NRXN1: variants seen among roughly 807,000 people sequenced by gnomAD.
The protein encoded by NRXN1 is neurexin 1, also known as neurexin-1.
In NRXN1, 39 loss-of-function variants were observed where a neutral mutation model predicts 150.9. That is an observed-to-expected ratio of 0.26 (90% confidence interval 0.20 to 0.34). NRXN1 has a LOEUF of 0.34. Among genes scored for constraint, NRXN1 ranks in the 10% least tolerant of loss-of-function variants. The pLI is 1.00. For missense variants in NRXN1, 1,815 were observed against 1,949.9 expected, an observed-to-expected ratio of 0.93 and a Z score of 1.30; for synonymous variants, 924 against 757.0, an observed-to-expected ratio of 1.22 and a Z score of -3.62.
At chr2:49,926,291 A>G (rs1162011615) in intron 22 of NRXN1, 11 of 398,274 alleles carry the variant, frequency 2.8e-5, no homozygotes, top group African/African-American at 4.1e-5. Flanking sequence ...ATGTTACCTT[A>G]AAGGACCACT....
intron 2 of NRXN1, among the ~76,000 whole-genome samples, chr2:50,942,702 C>T (rs1282244281): frequency 6.6e-6 from 1 of 152,212 alleles, no homozygotes; most frequent in Non-Finnish European, 1.5e-5. Flanking sequence ...AATGCCTAAA[C>T]TTCCATTGTA....
At chr2:50,173,439 G>T (rs998393737) in intron 18 of NRXN1, among the ~76,000 whole-genome samples, 1 of 152,108 alleles carries the variant, frequency 6.6e-6, no homozygotes, top group South Asian at 2.1e-4. Flanking sequence ...TGACATACAA[G>T]ACTCCTAACT....
chr2:50,695,945 C>A (rs186532174), intron 5 of NRXN1, among the ~76,000 whole-genome samples: 3 of 149,776 alleles, frequency 2.0e-5, no homozygotes, highest in African/African-American at 2.5e-5. Flanking sequence ...CAGCTTCAAG[C>A]GATTCTTCTG....
At chr2:50,649,315 A>G (rs527802081) in intron 5 of NRXN1, among the ~76,000 whole-genome samples, 9 of 151,448 alleles carry the variant, frequency 5.9e-5, no homozygotes, top group Non-Finnish European at 1.2e-4. Flanking sequence ...ACAAGTATTT[A>G]CTGAATACGC....
chr2:50,136,928 A>G (rs1453836965), intron 18 of NRXN1, among the ~76,000 whole-genome samples: 2 of 152,216 alleles, frequency 1.3e-5, no homozygotes, highest in Admixed American at 6.5e-5. Flanking sequence ...AAAACTAATG[A>G]ATCAGTCCCT....
At chr2:50,089,381 C>G (rs1244210803) in intron 19 of NRXN1, among the ~76,000 whole-genome samples, 1 of 152,164 alleles carries the variant, frequency 6.6e-6, no homozygotes, top group African/African-American at 2.4e-5. Flanking sequence ...TTCATGGCAT[C>G]CAGTGTGATG....
At chr2:50,553,111 A>G in intron 8 of NRXN1, 86 bp from the exon 9 acceptor site, 1 of 976,528 alleles carries the variant, frequency 1.0e-6, no homozygotes, top group South Asian at 1.6e-5. Flanking sequence ...TTTCAACGAC[A>G]TCATAAAAAG....
intron 17 of NRXN1, among the ~76,000 whole-genome samples, chr2:50,393,634 T>G (rs1005926994): frequency 6.6e-6 from 1 of 152,114 alleles, no homozygotes; most frequent in Admixed American, 6.6e-5. Context: ...AACAACTTCA[T>G]TTTTACTAGT....
At chr2:50,603,137 C>T (rs1298550130) in intron 8 of NRXN1, among the ~76,000 whole-genome samples, 7 of 152,196 alleles carry the variant, frequency 4.6e-5, no homozygotes, top group Non-Finnish European at 8.8e-5. Flanking sequence ...AGAGCTTATC[C>T]ATCTACCTTT....
intron 17 of NRXN1, among the ~76,000 whole-genome samples, chr2:50,333,517 C>G (rs2152986556): frequency 6.6e-6 from 1 of 152,140 alleles, no homozygotes. Flanking sequence ...TGTGCCCACC[C>G]AGCCATGCCA....
intron 2 of NRXN1, among the ~76,000 whole-genome samples, chr2:50,972,788 G>T (rs1326669268): frequency 2.6e-5 from 4 of 152,092 alleles, no homozygotes; most frequent in Non-Finnish European, 4.4e-5. Context: ...GATCTGACAG[G>T]AGGTGGAGCT....
intron 3 of NRXN1, among the ~76,000 whole-genome samples, chr2:50,925,570 T>C (rs942409849): frequency 1.7e-4 from 26 of 151,904 alleles, no homozygotes; most frequent in African/African-American, 4.3e-4. Context: ...ATAAGTCATT[T>C]TGATAAAAAA....
intron 17 of NRXN1, among the ~76,000 whole-genome samples, chr2:50,455,801 C>G: frequency 6.6e-6 from 1 of 152,134 alleles, no homozygotes; most frequent in East Asian, 1.9e-4. Context: ...TGAAGCTGGG[C>G]ACTCATCAAA....
At chr2:50,411,951 C>T (rs1169338496) in intron 17 of NRXN1, among the ~76,000 whole-genome samples, 2 of 152,156 alleles carry the variant, frequency 1.3e-5, no homozygotes, top group African/African-American at 4.8e-5. Flanking sequence ...ATAGGAGACT[C>T]CATTTTGTTC....
chr2:50,635,859 G>C (rs1335181951), intron 5 of NRXN1, among the ~76,000 whole-genome samples: 1 of 152,056 alleles, frequency 6.6e-6, no homozygotes, highest in East Asian at 1.9e-4. Context: ...AGTTTAGGGA[G>C]GTTCCATTTA....
At chr2:50,217,295 C>A (rs541274646) in intron 18 of NRXN1, among the ~76,000 whole-genome samples, 1 of 152,016 alleles carries the variant, frequency 6.6e-6, no homozygotes, top group Non-Finnish European at 1.5e-5. Flanking sequence ...TATTCTCAAT[C>A]ACATCTTTAA....
At chr2:49,946,894 C>G (rs141368458) in intron 21 of NRXN1, among the ~76,000 whole-genome samples, 1 of 152,076 alleles carries the variant, frequency 6.6e-6, no homozygotes, top group African/African-American at 2.4e-5. Flanking sequence ...GAACAGAGGC[C>G]TCAATGTAAC....
chr2:50,214,301 C>T (rs1056417552), intron 18 of NRXN1, among the ~76,000 whole-genome samples: 4 of 151,948 alleles, frequency 2.6e-5, no homozygotes, highest in African/African-American at 9.7e-5. Context: ...GTAATTGTCC[C>T]TAAATGGGAA....
At chr2:50,354,518 T>C (rs1304177920) in intron 17 of NRXN1, among the ~76,000 whole-genome samples, 1 of 146,490 alleles carries the variant, frequency 6.8e-6, no homozygotes, top group South Asian at 2.2e-4. Context: ...TGTGTGTGTA[T>C]CTATATATAC....
Sources: allele counts gnomAD v4.1 joint callset (sites outside exome capture counted in the v4.1 genomes callset), GRCh38; gene constraint gnomAD v4.1.1; transcripts MANE v1.5; gene names NCBI Gene and HGNC (gene_info 2026-07-23, HGNC 2026-07-21).